SYT3: variants seen among roughly 807,000 people sequenced by gnomAD.
SYT3 encodes the protein synaptotagmin 3.
SYT3 carries 25 observed loss-of-function variants against 50.6 expected under a neutral mutation model. The observed-to-expected ratio is 0.49, with a 90% CI of 0.36 to 0.69. SYT3 has a LOEUF of 0.69. SYT3 is among the 30% of genes least tolerant of loss of function. SYT3 has a pLI of 0.00. For missense variants in SYT3, 589 were observed against 793.6 expected (o/e 0.74, Z 3.10); for synonymous variants, 323 against 353.9 (o/e 0.91, Z 0.98).
At position 50,625,498 on chromosome 19, in the gene SYT3, T is replaced by C; in HGVS notation, c.1469A>G (p.Lys490Arg). The change falls in exon 8 of 11, where the codon AAG becomes AGG. Residue 490 changes from lysine (K) to arginine (R), a missense_variant. Coordinates refer to ENST00000600079, the MANE Select transcript of SYT3 (RefSeq NM_001160329.2). This position sits in a 1 kb window ranked among gnomAD's most constrained non-coding sequence, Gnocchi z 7.5. Reference sequence around the variant, plus strand: ...ATAGGTGGGGTTCAGCGTGTTCTTCTTGATGGAGGTTTTCCGCTTCTTCAG... The same window carrying C: ...ATAGGTGGGGTTCAGCGTGTTCTTCCTGATGGAGGTTTTCCGCTTCTTCAG... ...RRLKKRKTSI[K>R]KNTLNPTYNE... is the part of the protein sequence containing the mutation. The C allele has an allele frequency of 6.2e-7, 1 of 1,610,380 alleles. No homozygotes were observed. The highest frequency in any genetic ancestry group is 8.5e-7 in the Non-Finnish European group (1 of 1,178,630).
the SYT3 span, chr19:50,658,010 C>T: frequency 3.3e-6 from 5 of 1,534,826 alleles, no homozygotes; most frequent in Admixed American, 2.0e-5. Context: ...TTTTACCCAC[C>T]TGGAGGTGCT....
upstream of SYT3, among the ~76,000 whole-genome samples, chr19:50,643,626 A>G (rs142861603): frequency 1.1e-4 from 16 of 152,224 alleles, no homozygotes; most frequent in Non-Finnish European, 2.1e-4. Flanking sequence ...CAGGAGACAG[A>G]GATAGAATCT....
At chr19:50,647,392 G>T in the SYT3 span, among the ~76,000 whole-genome samples, 1 of 151,908 alleles carries the variant, frequency 6.6e-6, no homozygotes, top group Non-Finnish European at 1.5e-5. Context: ...GGATGGGGCG[G>T]CCAGGAGGCT....
chr19:50,649,591 C>T, the SYT3 span: 1 of 1,444,230 alleles, frequency 6.9e-7, no homozygotes, highest in Non-Finnish European at 9.4e-7. Flanking sequence ...CACAGTGTGG[C>T]CTTAAGCGAG....
intron 3 of SYT3, among the ~76,000 whole-genome samples, chr19:50,635,468 A>C (rs1442792326): frequency 6.6e-6 from 1 of 152,008 alleles, no homozygotes; most frequent in Admixed American, 6.6e-5. Flanking sequence ...GGGCGTGGAG[A>C]GGTGGTGTAG....
intron 9 of SYT3, chr19:50,624,881 A>C: frequency 6.1e-6 from 2 of 328,538 alleles, no homozygotes; most frequent in Non-Finnish European, 5.5e-6. Flanking sequence ...CCTCATGGGT[A>C]ACAACAGCAG....
chr19:50,645,335 A>G, the SYT3 span, among the ~76,000 whole-genome samples: 1 of 152,208 alleles, frequency 6.6e-6, no homozygotes, highest in Non-Finnish European at 1.5e-5. Context: ...GCAAGGCGAC[A>G]GAGAGGTGGA....
the SYT3 span, among the ~76,000 whole-genome samples, chr19:50,644,892 T>C: frequency 4.6e-5 from 7 of 151,338 alleles, 1 homozygote; most frequent in East Asian, 1.2e-3. Flanking sequence ...GATAGATAGA[T>C]GAAGAGTTAG....
chr19:50,630,093 AGGT>A lies in SYT3; in HGVS notation c.750_752del (p.Pro251del), dbSNP rs774659776. On this transcript the variant is annotated inframe_deletion, in exon 5 of 11. Coordinates refer to ENST00000600079, the MANE Select transcript of SYT3 (RefSeq NM_001160329.2). The stretch of plus-strand genomic sequence containing the variant: ...CTCCAGGCAGGGGTAAGGGCAGGGC[AGGT>A]GGCCGCTCCTCACTGCTGGGGTCCG... The A allele has an allele frequency of 1.9e-6, 3 of 1,590,908 alleles. No homozygotes were observed. Among genetic ancestry groups the A allele is most frequent in the East Asian group, 2.3e-5 (1 of 43,484 alleles).
At chr19:50,648,231 C>T in the SYT3 span, among the ~76,000 whole-genome samples, 3 of 152,040 alleles carry the variant, frequency 2.0e-5, no homozygotes, top group Non-Finnish European at 4.4e-5. Context: ...AGGGGAAAAA[C>T]CCTGTTTTCT....
rs772355456 is a variant in SYT3, at chr19:50,625,255, G to A, written c.1614C>T (p.Gly538=). 1.9e-6 allele frequency: 3 copies of A among 1,556,340 alleles called. No individual in the cohort carries two copies. The East Asian group carries it at 7.1e-5, about 37-fold the overall frequency. ...HNEVIGVCRV[G]PDAADPHGRE... ...GGCCGTGCGGGTCGGCAGCGTCGGG[G>A]CCCACACGGCACACGCCGATCACCT... Residue 538 remains glycine, a synonymous_variant, in exon 9 of 11, where the codon GGC becomes GGT. Transcript: ENST00000600079. This position sits in a 1 kb window ranked among gnomAD's most constrained non-coding sequence, Gnocchi z 7.5.
At chr19:50,651,813 G>A in the SYT3 span, among the ~76,000 whole-genome samples, 1 of 151,764 alleles carries the variant, frequency 6.6e-6, no homozygotes, top group African/African-American at 2.4e-5. Context: ...ACATTTAAAT[G>A]TATTAAATAC....
rs1434718819 is a variant in SYT3, at chr19:50,625,863, C to T, written c.1402+34G>A. 6.2e-7 allele frequency: 1 copy of T among 1,603,442 alleles called. No homozygotes were observed. Among genetic ancestry groups the T allele is most frequent in the Admixed American group, 1.7e-5 (1 of 58,370 alleles). ...TCCCTCAGACCCAGGAGTCCAGGCCCCCAGCCCTCCTCCCTCAGACCCAGG... is the reference window on the plus strand; with the variant it reads ...TCCCTCAGACCCAGGAGTCCAGGCCTCCAGCCCTCCTCCCTCAGACCCAGG... On this transcript the variant is annotated intron_variant, in intron 7 of 10. Transcript: ENST00000600079. The surrounding 1 kb of genome is among the most constrained non-coding windows in gnomAD (Gnocchi z 7.5).
rs1423253699 is a variant in SYT3, at chr19:50,625,746, C to T, written c.1402+151G>A. 3 of 1,037,982 alleles carry T rather than the reference C, an allele frequency of 2.9e-6. No homozygotes were observed. Among genetic ancestry groups the T allele is most frequent in the South Asian group, 1.6e-5 (1 of 62,098 alleles). The allele number at this position is 1,037,982 out of a possible 1,614,324, so 64.3% of individuals were successfully genotyped here. On this transcript the variant is annotated intron_variant, in intron 7 of 10. Coordinates refer to ENST00000600079, the MANE Select transcript of SYT3 (RefSeq NM_001160329.2). The surrounding 1 kb of genome is among the most constrained non-coding windows in gnomAD (Gnocchi z 7.5). ...TCCTCCTCTCTCCGACCCAGGAGTC[C>T]AGGCCCCTGGCCCCTCCTCCCTCAG...
At chr19:50,657,386 A>G in the SYT3 span, among the ~76,000 whole-genome samples, 1 of 152,026 alleles carries the variant, frequency 6.6e-6, no homozygotes, top group East Asian at 1.9e-4. Context: ...AATCGTGAAA[A>G]TTTTCATTTC....
At chr19:50,641,382 C>T (rs1324838454), upstream of SYT3, among the ~76,000 whole-genome samples, 3 of 150,402 alleles carry the variant, frequency 2.0e-5, no homozygotes, top group Non-Finnish European at 3.0e-5. Context: ...GGGGTTTCAC[C>T]GTGGTCTCGA....
At position 50,625,744 on chromosome 19, in the gene SYT3, TCCAGGCCC is replaced by T. The variant is rs1984030235; in HGVS notation, c.1402+145_1402+152del. 1.8e-5 allele frequency among the ~76,000 whole-genome samples: 2 copies of T among 110,878 alleles called. No individual in the cohort carries two copies. Among genetic ancestry groups the T allele is most frequent in the Non-Finnish European group, 4.1e-5 (2 of 49,012 alleles). 72.7% of individuals were successfully genotyped at this position (110,878 alleles called of 152,430 possible). A position where few individuals can be genotyped will look rare whatever the true frequency, so the allele number is the denominator to read the frequency against. On this transcript the variant is annotated intron_variant, in intron 7 of 10. Transcript: ENST00000600079. The surrounding 1 kb of genome is among the most constrained non-coding windows in gnomAD (Gnocchi z 7.5). Reference sequence around the variant, plus strand: ...GGTCCTCCTCTCTCCGACCCAGGAGTCCAGGCCCCTGGCCCCTCCTCCCTCAGACCCAG... The same window carrying T: ...GGTCCTCCTCTCTCCGACCCAGGAGTCTGGCCCCTCCTCCCTCAGACCCAG...
chr19:50,625,464 C>T lies in SYT3; in HGVS notation c.1503G>A (p.Ala501=), dbSNP rs894557877. Residue 501 remains alanine, a synonymous_variant, in exon 8 of 11, where the codon GCG becomes GCA. Coordinates refer to ENST00000600079, the MANE Select transcript of SYT3 (RefSeq NM_001160329.2). This position sits in a 1 kb window ranked among gnomAD's most constrained non-coding sequence, Gnocchi z 7.5. ...TCTCGGGGGCCACGTCGAACACCAG[C>T]GCCTCATTATAGGTGGGGTTCAGCG... ...KNTLNPTYNE[A]LVFDVAPESV... is the part of the protein sequence containing the mutation. 13 of 1,599,612 alleles carry T rather than the reference C, an allele frequency of 8.1e-6. No individual in the cohort carries two copies. Among genetic ancestry groups the T allele is most frequent in the Non-Finnish European group, 9.4e-6 (11 of 1,173,338 alleles).
At chr19:50,635,077 AT>A (rs957420262) in intron 3 of SYT3, among the ~76,000 whole-genome samples, 2 of 151,894 alleles carry the variant, frequency 1.3e-5, no homozygotes, top group African/African-American at 4.8e-5. Flanking sequence ...TGCCCAGCTA[AT>A]TTTTTGTTTT....
Sources: allele counts gnomAD v4.1 joint callset (sites outside exome capture counted in the v4.1 genomes callset), GRCh38; gene constraint gnomAD v4.1.1; non-coding constraint Gnocchi (gnomAD v3.1); transcripts MANE v1.5; gene names NCBI Gene and HGNC (gene_info 2026-07-23, HGNC 2026-07-21).